The following ABCC4 variants were observed in gnomAD, a reference collection of about 807,000 sequenced individuals.
ABCC4 encodes the protein ATP-binding cassette sub-family C member 4.
In ABCC4, 102 loss-of-function variants were observed where a neutral mutation model predicts 168.5. That is an observed-to-expected ratio of 0.61 (90% confidence interval 0.52 to 0.71). ABCC4 has a LOEUF of 0.71. Among genes scored for constraint, ABCC4 ranks in the 30% least tolerant of loss-of-function variants. ABCC4 has a pLI of 0.00. For synonymous variants in ABCC4, 617 were observed against 590.7 expected (o/e 1.04, Z -0.65); for missense variants, 1,402 against 1,605.8 (o/e 0.87, Z 2.17).
At chr13:95,121,720 C>T (rs566665988) in intron 19 of ABCC4, among the ~76,000 whole-genome samples, 2 of 152,168 alleles carry the variant, frequency 1.3e-5, no homozygotes, top group Non-Finnish European at 1.5e-5. Context: ...CAAACCTTGT[C>T]TTATGAAGAT....
At position 95,176,223 on chromosome 13, in the gene ABCC4, CAGGGGGGGGGGGGGGG is replaced by C. The variant is rs1425563640; in HGVS notation, c.1727+1468_1727+1483del. Among the ~76,000 whole-genome samples, 8 of 10,578 alleles carry C rather than the reference CAGGGGGGGGGGGGGGG, an allele frequency of 7.6e-4. 3 individuals carry two copies. The highest frequency in any genetic ancestry group is 3.0e-3 in the Non-Finnish European group (6 of 2,006). 6.9% of individuals were successfully genotyped at this position (10,578 alleles called of 152,430 possible). ...TCTCAGCACTCCAGGAAGCCGAGGG[CAGGGGGGGGGGGGGGG>C]GGGGGGTGGATCCCTTGAGCCCAGG... is the stretch of plus-strand genomic sequence containing the variant. On this transcript the variant is annotated intron_variant, in intron 13 of 30. Transcript: ENST00000645237.
chr13:95,194,549 C>T (rs1294460415), intron 9 of ABCC4, among the ~76,000 whole-genome samples: 2 of 152,208 alleles, frequency 1.3e-5, no homozygotes, highest in Non-Finnish European at 2.9e-5. Context: ...TAAAATCCAG[C>T]GTTGCCAATG....
At chr13:95,110,308 C>CG (rs1555313741) in intron 20 of ABCC4, among the ~76,000 whole-genome samples, 1 of 104,602 alleles carries the variant, frequency 9.6e-6, no homozygotes, top group Non-Finnish European at 1.9e-5. Flanking sequence ...GACTCTGTCT[C>CG]AAAAAAAAAA....
At chr13:95,209,298 C>T in intron 6 of ABCC4, 136 bp downstream of exon 6, 1 of 1,064,350 alleles carries the variant, frequency 9.4e-7, no homozygotes, top group Non-Finnish European at 1.3e-6. Context: ...GCCCCCTTGG[C>T]TGAGCCTGAA....
chr13:95,076,596 C>G (rs2033916327), intron 21 of ABCC4, among the ~76,000 whole-genome samples: 1 of 151,406 alleles, frequency 6.6e-6, no homozygotes, highest in Non-Finnish European at 1.5e-5. Flanking sequence ...CCCTAAGTAG[C>G]TGGGATTACA....
chr13:95,105,967 G>A (rs577647269), intron 20 of ABCC4, among the ~76,000 whole-genome samples: 11 of 152,300 alleles, frequency 7.2e-5, no homozygotes, highest in African/African-American at 1.4e-4. Flanking sequence ...AGGGTAAGCC[G>A]GTTACCGGCC....
At chr13:95,159,317 T>C (rs922466365) in intron 19 of ABCC4, among the ~76,000 whole-genome samples, 1 of 151,882 alleles carries the variant, frequency 6.6e-6, no homozygotes, top group Non-Finnish European at 1.5e-5. Flanking sequence ...AAATAATTCA[T>C]GACCTCTAAA....
chr13:95,029,182 A>ATCTATATC (rs1566355128), intron 30 of ABCC4, among the ~76,000 whole-genome samples: 6 of 66,972 alleles, frequency 9.0e-5, no homozygotes, highest in African/African-American at 3.9e-4. Flanking sequence ...ATATATATAT[A>ATCTATATC]TATATATATA....
chr13:95,207,403 C>A (rs551109321), intron 7 of ABCC4, among the ~76,000 whole-genome samples: 33 of 152,198 alleles, frequency 2.2e-4, no homozygotes, highest in Non-Finnish European at 4.4e-4. Context: ...AATACTGATT[C>A]ATATAGTTTG....
intron 13 of ABCC4, among the ~76,000 whole-genome samples, chr13:95,172,652 T>C (rs1055329395): frequency 4.0e-5 from 6 of 151,408 alleles, no homozygotes; most frequent in Non-Finnish European, 4.4e-5. Context: ...ATATAGTCAG[T>C]TGGTGCAGTG....
chr13:95,077,654 G>A (rs904292945), intron 21 of ABCC4, among the ~76,000 whole-genome samples: 2 of 148,686 alleles, frequency 1.3e-5, no homozygotes, highest in Non-Finnish European at 1.5e-5. Context: ...TCTTACAGGC[G>A]ATGGCTACAT....
At chr13:95,054,020 C>CTTTTTTTTTTTTTTTTTTT (rs1566375296) in intron 26 of ABCC4, 1 of 73,168 alleles carries the variant, frequency 1.4e-5, no homozygotes. Flanking sequence ...AATGGGACAT[C>CTTTTTTTTTTTTTTTTTTT]CTTTTTTTTT....
At chr13:95,239,731 G>A (rs2039878515) in intron 3 of ABCC4, among the ~76,000 whole-genome samples, 1 of 151,792 alleles carries the variant, frequency 6.6e-6, no homozygotes, top group African/African-American at 2.4e-5. Context: ...GGAAAATGCT[G>A]GAGAATCACT....
intron 20 of ABCC4, among the ~76,000 whole-genome samples, chr13:95,098,367 G>T (rs2034682933): frequency 6.6e-6 from 1 of 151,838 alleles, no homozygotes; most frequent in South Asian, 2.1e-4. Flanking sequence ...TAATGAAATA[G>T]AAAATCTACC....
intron 8 of ABCC4, among the ~76,000 whole-genome samples, chr13:95,199,917 C>T (rs750149413): frequency 2.0e-5 from 3 of 152,216 alleles, no homozygotes; most frequent in African/African-American, 4.8e-5. Context: ...TCCACTACCA[C>T]GCACACAATG....
At chr13:95,247,939 C>CACACACACACACACACACAG (rs1491082478) in intron 1 of ABCC4, among the ~76,000 whole-genome samples, 186 bp from the exon 2 acceptor site, 1 of 151,892 alleles carries the variant, frequency 6.6e-6, no homozygotes, top group African/African-American at 2.4e-5. Flanking sequence ...CACACACACA[C>CACACACACACACACACACAG]AGTCCCTAGC....
chr13:95,071,890 G>A (rs1327877116), intron 24 of ABCC4, 37 bp from the exon 25 acceptor site: 2 of 1,384,430 alleles, frequency 1.4e-6, no homozygotes, highest in Non-Finnish European at 1.9e-6. Flanking sequence ...GTTAGGAATG[G>A]AGGGTGTCAT....
intron 29 of ABCC4, among the ~76,000 whole-genome samples, chr13:95,040,939 G>A (rs927592438): frequency 2.0e-5 from 3 of 152,118 alleles, no homozygotes; most frequent in Non-Finnish European, 2.9e-5. Context: ...CTGCAGATTC[G>A]CTTATTCCTC....
At chr13:95,100,867 G>C (rs887627247) in intron 20 of ABCC4, among the ~76,000 whole-genome samples, 1 of 152,168 alleles carries the variant, frequency 6.6e-6, no homozygotes, top group Admixed American at 6.5e-5. Context: ...AGGAGTTGGG[G>C]GAAGGGGTGA....
Sources: allele counts gnomAD v4.1 joint callset (sites outside exome capture counted in the v4.1 genomes callset), GRCh38; gene constraint gnomAD v4.1.1; transcripts MANE v1.5; gene names NCBI Gene and HGNC (gene_info 2026-07-23, HGNC 2026-07-21).